FAM222A: variants seen among roughly 807,000 people sequenced by gnomAD.
The protein encoded by FAM222A is protein FAM222A.
Under a neutral mutation model 25.8 loss-of-function variants are expected in FAM222A, and 7 were observed. That is an observed-to-expected ratio of 0.27 (90% CI 0.15 to 0.51). FAM222A has a LOEUF of 0.51. Among genes scored for constraint, FAM222A ranks in the 20% least tolerant of loss-of-function variants. FAM222A has a pLI of 0.97. For missense variants in FAM222A, 573 were observed against 640.5 expected (o/e 0.89, Z 1.14); for synonymous variants, 294 against 298.8 (o/e 0.98, Z 0.17).
Position 109,752,403 on chromosome 12 carries a change from G to A in FAM222A, c.82+8175G>A, listed in dbSNP as rs114052537. Among the ~76,000 whole-genome samples the A allele has an allele frequency of 2.6e-3, 398 of 152,376 alleles. 1 individual carries two copies. Among genetic ancestry groups the A allele is most frequent in the African/African-American group, 8.8e-3 (365 of 41,598 alleles). On this transcript the variant is annotated intron_variant, in intron 2 of 2. Transcript: ENST00000538780. ...TGCTGCTGCCAATCAGTGCCTGGAC[G>A]CTAAGTCAAGGAGGCTCCTGCCCTT...
chr12:109,744,524 C>T, intron 2 of FAM222A: 1 of 985,434 alleles, frequency 1.0e-6, no homozygotes, highest in Non-Finnish European at 1.2e-6. Flanking sequence ...ACTTCACCAC[C>T]ATTATCTAGC....
intron 1 of FAM222A, chr12:109,720,102 G>A (rs747697507): frequency 2.0e-4 from 195 of 985,322 alleles, no homozygotes; most frequent in Non-Finnish European, 2.3e-4. Flanking sequence ...GAGCCCCTCA[G>A]AGCTGGGTGG....
At chr12:109,767,062 C>CTTTTTTTTTTTT (rs757766627) in intron 2 of FAM222A, among the ~76,000 whole-genome samples, 2 of 93,066 alleles carry the variant, frequency 2.1e-5, no homozygotes, top group African/African-American at 4.3e-5. Context: ...TGCTTGGCTT[C>CTTTTTTTTTTTT]TTTTTTTTTT....
chr12:109,759,421 C>G (rs1479289746), intron 2 of FAM222A, among the ~76,000 whole-genome samples: 2 of 152,134 alleles, frequency 1.3e-5, no homozygotes, highest in Non-Finnish European at 2.9e-5. Flanking sequence ...CATCCCCAAC[C>G]CACTCCGCCT....
chr12:109,715,882 AG>A (rs1458825644), intron 1 of FAM222A, among the ~76,000 whole-genome samples: 1 of 152,146 alleles, frequency 6.6e-6, no homozygotes, highest in African/African-American at 2.4e-5. Context: ...GCCCTCCAAT[AG>A]GCTACTTCTG....
intron 2 of FAM222A, among the ~76,000 whole-genome samples, chr12:109,750,403 C>G (rs1294254063): frequency 6.6e-6 from 1 of 152,200 alleles, no homozygotes; most frequent in South Asian, 2.1e-4. Flanking sequence ...CAGTGGCTCA[C>G]GCCTGCAGTC....
At chr12:109,760,903 C>T (rs2136378241) in intron 2 of FAM222A, among the ~76,000 whole-genome samples, 1 of 152,268 alleles carries the variant, frequency 6.6e-6, no homozygotes, top group African/African-American at 2.4e-5. Context: ...AGCTCAGACT[C>T]ACGCAAGCAG....
chr12:109,746,590 C>A (rs1388472808), intron 2 of FAM222A, among the ~76,000 whole-genome samples: 2 of 152,086 alleles, frequency 1.3e-5, no homozygotes, highest in Non-Finnish European at 2.9e-5. Context: ...CAGTGCAGTG[C>A]TGTTTTAATT....
At chr12:109,725,486 A>G (rs1323648806) in intron 1 of FAM222A, among the ~76,000 whole-genome samples, 1 of 132,838 alleles carries the variant, frequency 7.5e-6, no homozygotes, top group African/African-American at 2.8e-5. Context: ...CGCCTTACCA[A>G]CTGTGTGTGC....
At chr12:109,729,844 A>G (rs1442519239) in intron 1 of FAM222A, among the ~76,000 whole-genome samples, 1 of 152,074 alleles carries the variant, frequency 6.6e-6, no homozygotes, top group East Asian at 1.9e-4. Context: ...AACACATACA[A>G]TTCATTGTGT....
At chr12:109,743,210 G>C (rs1455421716) in intron 1 of FAM222A, among the ~76,000 whole-genome samples, 1 of 152,152 alleles carries the variant, frequency 6.6e-6, no homozygotes, top group Non-Finnish European at 1.5e-5. Flanking sequence ...CTCCCATTGG[G>C]GCCTCACAGG....
At position 109,744,245 on chromosome 12, in the gene FAM222A, C is replaced by A. The variant is rs750831728; in HGVS notation, c.82+17C>A. 3.1e-6 allele frequency: 5 copies of A among 1,609,304 alleles called. No individual in the cohort carries two copies. The South Asian group carries it at 5.5e-5, about 18-fold the overall frequency. ...TGCGCAAGTGTGAGTAGGACGCCTC[C>A]CCAGCCTTTGCAGGGCAGGTCGTGG... On this transcript the variant is annotated intron_variant, in intron 2 of 2. Coordinates refer to ENST00000538780, the MANE Select transcript of FAM222A (RefSeq NM_032829.3).
intron 2 of FAM222A, among the ~76,000 whole-genome samples, chr12:109,758,705 C>G (rs1888803899): frequency 6.6e-6 from 1 of 152,180 alleles, no homozygotes; most frequent in African/African-American, 2.4e-5. Context: ...TAATTAGTGT[C>G]ACGTTAATTG....
At chr12:109,758,135 C>T (rs1241056408) in intron 2 of FAM222A, among the ~76,000 whole-genome samples, 1 of 152,204 alleles carries the variant, frequency 6.6e-6, no homozygotes, top group Non-Finnish European at 1.5e-5. Flanking sequence ...GCCCGGAGCA[C>T]CTGACTGTCT....
chr12:109,758,971 G>A (rs552545054), intron 2 of FAM222A, among the ~76,000 whole-genome samples: 14 of 152,336 alleles, frequency 9.2e-5, no homozygotes, highest in South Asian at 2.1e-4. Flanking sequence ...CTGTGTGCTT[G>A]CACACCTTTC....
intron 1 of FAM222A, chr12:109,743,891 C>T (rs936119337): frequency 2.0e-6 from 2 of 985,314 alleles, no homozygotes; most frequent in Middle Eastern, 5.2e-4. Flanking sequence ...CACTCAAGAG[C>T]CCTGGATTCT....
At position 109,744,115 on chromosome 12, in the gene FAM222A, A is replaced by C; in HGVS notation, c.-32A>C. 6.2e-7 allele frequency: 1 copy of C among 1,607,422 alleles called. No individual in the cohort carries two copies. Among genetic ancestry groups the C allele is most frequent in the Non-Finnish European group, 8.5e-7 (1 of 1,177,678 alleles). Reference sequence around the variant, plus strand: ...TCCTCCTGCAGGGACCCAGTCGCAGAGCGCACCCCACTGGGGACCCCCAGC... The same window carrying C: ...TCCTCCTGCAGGGACCCAGTCGCAGCGCGCACCCCACTGGGGACCCCCAGC... On this transcript the variant is annotated 5_prime_UTR_variant, in exon 2 of 3. Coordinates refer to ENST00000538780, the MANE Select transcript of FAM222A (RefSeq NM_032829.3).
At chr12:109,716,353 G>A (rs824998) in intron 1 of FAM222A, among the ~76,000 whole-genome samples, 12,115 of 152,210 alleles carry the variant, frequency 0.08, 495 homozygotes, top group South Asian at 0.091. Flanking sequence ...CCTCAGCAGC[G>A]TGGGGCGGGG....
Position 109,714,668 on chromosome 12 carries a change from G to C in FAM222A, c.-276G>C, listed in dbSNP as rs1265560674. The C allele has an allele frequency of 6.6e-6, 1 of 152,074 alleles. No individual in the cohort carries two copies. Among genetic ancestry groups the C allele is most frequent in the Admixed American group, 6.5e-5 (1 of 15,286 alleles). 9.4% of individuals were successfully genotyped at this position (152,074 alleles called of 1,614,324 possible). A position where few individuals can be genotyped will look rare whatever the true frequency, so the allele number is the denominator to read the frequency against. On this transcript the variant is annotated 5_prime_UTR_variant, in exon 1 of 3. Coordinates refer to ENST00000538780, the MANE Select transcript of FAM222A (RefSeq NM_032829.3). The surrounding 1 kb of genome is among the most constrained non-coding windows in gnomAD (Gnocchi z 4.2). ...CGCCCGCGCGGCCCCCGTCCGGGGC[G>C]GGCGTGACCCCTGCTGAACGGAGAC... is the stretch of plus-strand genomic sequence containing the variant.
Sources: allele counts gnomAD v4.1 joint callset (sites outside exome capture counted in the v4.1 genomes callset), GRCh38; gene constraint gnomAD v4.1.1; non-coding constraint Gnocchi (gnomAD v3.1); transcripts MANE v1.5; gene names NCBI Gene and HGNC (gene_info 2026-07-23, HGNC 2026-07-21).